The following CSMD1 variants were observed in gnomAD, a reference collection of about 807,000 sequenced individuals.
CSMD1 encodes CUB and sushi domain-containing protein 1.
CSMD1 carries 213 observed loss-of-function variants against 417.5 expected under a neutral mutation model. The ratio of observed to expected loss-of-function variants is 0.51; its 90% CI spans 0.46 to 0.57. The LOEUF is 0.57. CSMD1 is among the 20% of genes least tolerant of loss of function. CSMD1 has a pLI of 0.00. For missense variants in CSMD1, 6,923 were observed against 4,529.7 expected, an observed-to-expected ratio of 1.53 and a Z score of -15.17; for synonymous variants, 2,862 against 1,736.8, an observed-to-expected ratio of 1.65 and a Z score of -16.11.
intron 1 of CSMD1, among the ~76,000 whole-genome samples, chr8:4,772,318 C>G (rs887395840): frequency 1.3e-5 from 2 of 152,202 alleles, no homozygotes; most frequent in Admixed American, 1.3e-4. Flanking sequence ...GTCATCTTTA[C>G]GCATCTTCTA....
At chr8:3,902,729 T>C (rs558584751) in intron 5 of CSMD1, among the ~76,000 whole-genome samples, 1 of 152,102 alleles carries the variant, frequency 6.6e-6, no homozygotes, top group African/African-American at 2.4e-5. Flanking sequence ...GCCCCGGGAT[T>C]AGAGACCCCT....
intron 5 of CSMD1, among the ~76,000 whole-genome samples, chr8:3,804,273 G>A (rs1340300724): frequency 6.6e-6 from 1 of 152,090 alleles, no homozygotes; most frequent in Non-Finnish European, 1.5e-5. Context: ...CATTTAACTT[G>A]CAGGTGCAGA....
chr8:3,028,293 C>T (rs1447334087), intron 51 of CSMD1, among the ~76,000 whole-genome samples: 1 of 152,124 alleles, frequency 6.6e-6, no homozygotes. Context: ...CTCCAGGTGA[C>T]AAAATCTGTG....
intron 11 of CSMD1, among the ~76,000 whole-genome samples, chr8:3,469,933 T>G (rs1450088054): frequency 6.6e-6 from 1 of 152,266 alleles, no homozygotes; most frequent in Non-Finnish European, 1.5e-5. Flanking sequence ...TTCATTTGCT[T>G]GTTTTGTTGG....
intron 1 of CSMD1, among the ~76,000 whole-genome samples, chr8:4,759,529 G>T (rs1202583725): frequency 6.6e-6 from 1 of 152,120 alleles, no homozygotes; most frequent in Non-Finnish European, 1.5e-5. Flanking sequence ...AGCCCAGCAT[G>T]CACTAGGATT....
At chr8:3,216,108 T>C (rs1171173463) in intron 29 of CSMD1, among the ~76,000 whole-genome samples, 1 of 150,924 alleles carries the variant, frequency 6.6e-6, no homozygotes, top group African/African-American at 2.4e-5. Context: ...ATGATACATA[T>C]ATATTTTATA....
intron 1 of CSMD1, among the ~76,000 whole-genome samples, chr8:4,702,621 C>G (rs1046926800): frequency 8.5e-5 from 13 of 152,148 alleles, no homozygotes; most frequent in Admixed American, 8.5e-4. Context: ...CATTACCAGT[C>G]CAGAACACAC....
intron 1 of CSMD1, among the ~76,000 whole-genome samples, chr8:4,973,047 T>C (rs1186333493): frequency 6.6e-6 from 1 of 152,128 alleles, no homozygotes; most frequent in African/African-American, 2.4e-5. Flanking sequence ...GTAAAGAAGG[T>C]AAAATAATGC....
intron 1 of CSMD1, among the ~76,000 whole-genome samples, chr8:4,889,306 A>T (rs1209706073): frequency 3.3e-5 from 5 of 152,112 alleles, no homozygotes; most frequent in Non-Finnish European, 5.9e-5. Context: ...ACATTAGAGA[A>T]ACTCAAATTG....
chr8:4,604,033 T>C (rs1040362539), intron 2 of CSMD1, among the ~76,000 whole-genome samples: 7 of 152,106 alleles, frequency 4.6e-5, no homozygotes, highest in Admixed American at 4.6e-4. Flanking sequence ...TGGAAAGATA[T>C]GTATCAGTTT....
intron 7 of CSMD1, among the ~76,000 whole-genome samples, chr8:3,669,806 A>G (rs1798895714): frequency 6.6e-6 from 1 of 152,126 alleles, no homozygotes; most frequent in Non-Finnish European, 1.5e-5. Flanking sequence ...GTGCAGCCCT[A>G]ACAGCCAATT....
At chr8:3,722,663 GCA>G (rs1563310889) in intron 6 of CSMD1, among the ~76,000 whole-genome samples, 1 of 152,138 alleles carries the variant, frequency 6.6e-6, no homozygotes, top group African/African-American at 2.4e-5. Flanking sequence ...TGTATATTCC[GCA>G]CAGAGTTCGG....
intron 5 of CSMD1, among the ~76,000 whole-genome samples, chr8:3,976,491 T>A (rs982431484): frequency 1.3e-5 from 2 of 152,190 alleles, no homozygotes; most frequent in Non-Finnish European, 2.9e-5. Context: ...GACTAACACA[T>A]AACGCTTAAT....
At chr8:4,754,177 A>G (rs1021687189) in intron 1 of CSMD1, among the ~76,000 whole-genome samples, 2 of 152,238 alleles carry the variant, frequency 1.3e-5, no homozygotes, top group African/African-American at 2.4e-5. Flanking sequence ...CATGGGCTGA[A>G]ACCTGTGCAC....
chr8:4,459,024 C>T (rs1343992159), intron 2 of CSMD1, among the ~76,000 whole-genome samples: 3 of 152,216 alleles, frequency 2.0e-5, no homozygotes, highest in African/African-American at 7.2e-5. Flanking sequence ...AGCCTGCTTT[C>T]TTCCCCTTAT....
intron 52 of CSMD1, among the ~76,000 whole-genome samples, chr8:3,013,647 G>T (rs1808589188): frequency 6.6e-6 from 1 of 151,880 alleles, no homozygotes; most frequent in African/African-American, 2.4e-5. Context: ...AGCTACTCAG[G>T]AGGGTGAGGC....
intron 2 of CSMD1, among the ~76,000 whole-genome samples, chr8:4,461,351 G>T (rs1172915805): frequency 6.6e-6 from 1 of 151,724 alleles, no homozygotes; most frequent in East Asian, 1.9e-4. Flanking sequence ...CATACTGGAG[G>T]TTTTAGCTAG....
At chr8:3,331,609 G>C (rs1000173575) in intron 23 of CSMD1, among the ~76,000 whole-genome samples, 7 of 152,164 alleles carry the variant, frequency 4.6e-5, no homozygotes, top group African/African-American at 1.7e-4. Context: ...GAGATAAAAT[G>C]AGACAATGAA....
Position 4,274,420 on chromosome 8 carries a change from G to A in CSMD1, c.415+145533C>T, listed in dbSNP as rs533303615. Among the ~76,000 whole-genome samples the A allele has an allele frequency of 6.6e-5, 10 of 152,198 alleles. No homozygotes were observed. In the East Asian group the frequency reaches 1.7e-3, roughly 26 times the overall value. The stretch of plus-strand genomic sequence containing the variant: ...TCAACGTGCTCAAAATGTCTCTGGT[G>A]CCCAAGAGTTGCAAACGCATTATTG... On this transcript the variant is annotated intron_variant, in intron 3 of 69. Transcript: ENST00000635120.
Sources: allele counts gnomAD v4.1 joint callset (sites outside exome capture counted in the v4.1 genomes callset), GRCh38; gene constraint gnomAD v4.1.1; transcripts MANE v1.5; gene names NCBI Gene and HGNC (gene_info 2026-07-23, HGNC 2026-07-21).